Variants in ZBTB20 observed in about 807,000 individuals in gnomAD.
The protein encoded by ZBTB20 is zinc finger and BTB domain containing 20.
A neutral mutation model predicts 56.9 loss-of-function variants in ZBTB20; 9 were observed. That is an observed-to-expected ratio of 0.16 (90% confidence interval 0.10 to 0.28). ZBTB20 has a LOEUF of 0.28. Among genes scored for constraint, ZBTB20 ranks in the 10% least tolerant of loss-of-function variants. The probability of loss-of-function intolerance (pLI) is 1.00; values close to 1 mark genes in which losing one functional copy is unlikely to be tolerated. For missense variants in ZBTB20, 655 were observed against 1,003.0 expected, an observed-to-expected ratio of 0.65 and a Z score of 4.69; for synonymous variants, 417 against 420.7, an observed-to-expected ratio of 0.99 and a Z score of 0.11.
intron 4 of ZBTB20, among the ~76,000 whole-genome samples, chr3:114,851,296 T>C (rs1368267225): frequency 6.6e-6 from 1 of 152,234 alleles, no homozygotes; most frequent in Non-Finnish European, 1.5e-5. Context: ...ACTGATTTAT[T>C]CATTTAGTAG....
At chr3:114,776,562 C>G (rs921096943) in intron 5 of ZBTB20, among the ~76,000 whole-genome samples, 1 of 152,178 alleles carries the variant, frequency 6.6e-6, no homozygotes, top group African/African-American at 2.4e-5. Flanking sequence ...CCCAATGATA[C>G]CGATTTTGGA....
At chr3:115,126,140 A>G (rs1168616330) in intron 1 of ZBTB20, among the ~76,000 whole-genome samples, 1 of 152,230 alleles carries the variant, frequency 6.6e-6, no homozygotes, top group African/African-American at 2.4e-5. Context: ...GAAAGTTCAC[A>G]TCAAGACTAC....
chr3:114,634,777 C>T (rs2059161608), intron 6 of ZBTB20, among the ~76,000 whole-genome samples: 1 of 152,202 alleles, frequency 6.6e-6, no homozygotes, highest in Non-Finnish European at 1.5e-5. Context: ...ATGATTTCTC[C>T]TGTGCCACAG....
rs2076513621 is a variant in ZBTB20 at position 114,935,789 on chromosome 3, T to A, written c.-455-35447A>T. 3.3e-5 allele frequency among the ~76,000 whole-genome samples: 5 copies of A among 152,212 alleles called. No individual in the cohort carries two copies. In the South Asian group the frequency reaches 8.3e-4, roughly 25 times the overall value. ...AGCACCTCTTACCCCCAAGGCCTCA[T>A]GGCTCTAAGGGCTTGTTGAATTTAA... On this transcript the variant is annotated intron_variant, in intron 3 of 11. Coordinates refer to ENST00000675478, the MANE Select transcript of ZBTB20 (RefSeq NM_001348800.3).
intron 4 of ZBTB20, among the ~76,000 whole-genome samples, chr3:114,826,433 C>T (rs2073533066): frequency 6.6e-6 from 1 of 151,748 alleles, no homozygotes; most frequent in Non-Finnish European, 1.5e-5. Context: ...AATTAGACAT[C>T]AGCATTCAGT....
intron 5 of ZBTB20, among the ~76,000 whole-genome samples, chr3:114,742,733 T>G (rs2066706937): frequency 6.6e-6 from 1 of 152,264 alleles, no homozygotes; most frequent in African/African-American, 2.4e-5. Context: ...TTAACCCTGA[T>G]TGCACATTAG....
At chr3:114,737,002 C>A (rs2066218395) in intron 5 of ZBTB20, among the ~76,000 whole-genome samples, 1 of 152,150 alleles carries the variant, frequency 6.6e-6, no homozygotes, top group African/African-American at 2.4e-5. Flanking sequence ...ATAACCTGCA[C>A]TGAGGGGACA....
At chr3:114,639,906 G>T (rs1326987137) in intron 6 of ZBTB20, among the ~76,000 whole-genome samples, 1 of 151,872 alleles carries the variant, frequency 6.6e-6, no homozygotes, top group Non-Finnish European at 1.5e-5. Flanking sequence ...GTTTTCAAAA[G>T]AATATTTATT....
intron 6 of ZBTB20, among the ~76,000 whole-genome samples, chr3:114,536,765 C>T (rs777327095): frequency 3.9e-5 from 6 of 152,236 alleles, no homozygotes. Context: ...GTTACCAAAA[C>T]GGCATGGTAC....
At chr3:114,501,935 T>C (rs1026323592) in intron 6 of ZBTB20, among the ~76,000 whole-genome samples, 1 of 151,966 alleles carries the variant, frequency 6.6e-6, no homozygotes. Context: ...CTCAAACTCC[T>C]GAACTCAGGT....
At chr3:114,704,281 A>G (rs1263925373) in intron 5 of ZBTB20, among the ~76,000 whole-genome samples, 1 of 152,122 alleles carries the variant, frequency 6.6e-6, no homozygotes, top group East Asian at 1.9e-4. Context: ...TATAACGTCT[A>G]TATTTATATG....
At chr3:115,138,654 TTC>T (rs2084720563) in intron 1 of ZBTB20, among the ~76,000 whole-genome samples, 1 of 152,040 alleles carries the variant, frequency 6.6e-6, no homozygotes, top group Admixed American at 6.6e-5. Context: ...TACTTACCCT[TTC>T]TGAGCCTTCG....
intron 11 of ZBTB20, among the ~76,000 whole-genome samples, chr3:114,344,867 T>G (rs1183670675): frequency 6.6e-6 from 1 of 152,138 alleles, no homozygotes; most frequent in Non-Finnish European, 1.5e-5. Flanking sequence ...CTCAAAGTAA[T>G]AAGCAAAATT....
chr3:114,510,287 A>G (rs1370994577), intron 6 of ZBTB20, among the ~76,000 whole-genome samples: 1 of 152,164 alleles, frequency 6.6e-6, no homozygotes, highest in Non-Finnish European at 1.5e-5. Context: ...AAGTCCATTC[A>G]TCTCTGACCA....
intron 8 of ZBTB20, among the ~76,000 whole-genome samples, chr3:114,386,455 T>A (rs559994559): frequency 1.3e-5 from 2 of 152,248 alleles, no homozygotes; most frequent in Admixed American, 1.3e-4. Context: ...TCAAGAGAGA[T>A]AGCACCAGGT....
chr3:114,410,141 A>G (rs2087785850), intron 7 of ZBTB20, among the ~76,000 whole-genome samples: 1 of 152,130 alleles, frequency 6.6e-6, no homozygotes, highest in South Asian at 2.1e-4. Context: ...CAGGTGAGAC[A>G]TCAGCTGAAC....
intron 2 of ZBTB20, among the ~76,000 whole-genome samples, chr3:114,998,527 A>C (rs892886027): frequency 6.6e-6 from 1 of 151,796 alleles, no homozygotes; most frequent in African/African-American, 2.4e-5. Flanking sequence ...TAACTGAAGA[A>C]AGAAGAGGCA....
chr3:114,938,902 C>A (rs2076638380), intron 3 of ZBTB20, among the ~76,000 whole-genome samples: 1 of 145,430 alleles, frequency 6.9e-6, no homozygotes, highest in African/African-American at 2.8e-5. Context: ...TTCCTTAAAC[C>A]ATACAAAAAA....
chr3:114,940,483 A>G (rs2076689764), intron 3 of ZBTB20, among the ~76,000 whole-genome samples: 1 of 145,210 alleles, frequency 6.9e-6, no homozygotes. Context: ...AACTAGTTTC[A>G]TAGATTGCTG....
Sources: gnomAD v4.1 joint callset for allele counts (sites outside exome capture counted in the v4.1 genomes callset) on GRCh38, gnomAD v4.1.1 for gene constraint, MANE v1.5 for transcripts, NCBI Gene and HGNC (gene_info 2026-07-23, HGNC 2026-07-21) for gene names.